The following PATL1 variants were observed in gnomAD, a reference collection of about 807,000 sequenced individuals.
PATL1 encodes the protein protein PAT1 homolog 1.
Under a neutral mutation model 100.6 loss-of-function variants are expected in PATL1, and 32 were observed. That is an observed-to-expected ratio of 0.32 (90% CI 0.24 to 0.43). The LOEUF (loss-of-function observed/expected upper bound fraction) is 0.43, where lower values mean the gene tolerates loss of function less well. Ranked by LOEUF, PATL1 falls within the 20% of genes least tolerant of loss-of-function variation. The pLI, the probability that PATL1 is intolerant of heterozygous loss-of-function variation, is 1.00. For missense variants in PATL1, 747 were observed against 949.9 expected, an observed-to-expected ratio of 0.79 and a Z score of 2.81; for synonymous variants, 332 against 330.0, an observed-to-expected ratio of 1.01 and a Z score of -0.07.
intron 4 of PATL1, 34 bp downstream of exon 4, chr11:59,658,832 T>G: frequency 6.6e-7 from 1 of 1,506,652 alleles, no homozygotes; most frequent in Non-Finnish European, 8.9e-7. Context: ...TTTTGGATAT[T>G]ATAAATTTTA....
chr11:59,641,085 T>G (rs1445165980), intron 16 of PATL1, among the ~76,000 whole-genome samples: 1 of 151,856 alleles, frequency 6.6e-6, no homozygotes, highest in Non-Finnish European at 1.5e-5. Context: ...GCAGGAGAAC[T>G]GCTTGAACCT....
chr11:59,658,025 A>G (rs1462477070), intron 4 of PATL1, among the ~76,000 whole-genome samples: 1 of 151,702 alleles, frequency 6.6e-6, no homozygotes, highest in Non-Finnish European at 1.5e-5. Context: ...TAAGCCAGGC[A>G]TGGTGGCATG....
At chr11:59,647,477 C>T (rs550491941) in intron 15 of PATL1, among the ~76,000 whole-genome samples, 5 of 152,236 alleles carry the variant, frequency 3.3e-5, no homozygotes, top group East Asian at 3.9e-4. Flanking sequence ...GAATTATCTA[C>T]GCAAGTAATT....
At chr11:59,664,230 C>T (rs1472454701) in intron 2 of PATL1, among the ~76,000 whole-genome samples, 1 of 152,124 alleles carries the variant, frequency 6.6e-6, no homozygotes, top group Non-Finnish European at 1.5e-5. Context: ...CACTTTTCTT[C>T]TTTCCCATCA....
At chr11:59,658,459 A>G (rs957223795) in intron 4 of PATL1, among the ~76,000 whole-genome samples, 1 of 151,928 alleles carries the variant, frequency 6.6e-6, no homozygotes, top group African/African-American at 2.4e-5. Context: ...AGTAGCTGGG[A>G]TTACAGGTGC....
rs781259437 is a variant in PATL1 at position 59,653,048 on chromosome 11, G to T, written c.1122-30C>A. The T allele has an allele frequency of 2.0e-5, 31 of 1,548,618 alleles. No individual in the cohort carries two copies. The South Asian group carries it at 3.5e-4, about 17-fold the overall frequency. On this transcript the variant is annotated intron_variant, in intron 9 of 18. Transcript: ENST00000300146. Reference sequence around the variant, plus strand: ...AAAACATACACCACATTCATTCCATGTGGGCAAATTAATTACGCTTTTTAA... The same window carrying T: ...AAAACATACACCACATTCATTCCATTTGGGCAAATTAATTACGCTTTTTAA...
Position 59,668,970 on chromosome 11 carries a change from C to T in PATL1, c.-75G>A. ...AGAAGCGCTGACTCCCCGGCTCCTCCGCGCGCGGGTCCTCCACCGGCTCGC... is the reference window on the plus strand; with the variant it reads ...AGAAGCGCTGACTCCCCGGCTCCTCTGCGCGCGGGTCCTCCACCGGCTCGC... On this transcript the variant is annotated 5_prime_UTR_variant, in exon 1 of 19. Transcript: ENST00000300146. 1 of 324,054 alleles carries T rather than the reference C, an allele frequency of 3.1e-6. No individual in the cohort carries two copies. The highest frequency in any genetic ancestry group is 5.8e-6 in the Non-Finnish European group (1 of 170,952). 20.1% of individuals were successfully genotyped at this position (324,054 alleles called of 1,614,324 possible).
At chr11:59,650,665 C>T (rs1861430285) in intron 13 of PATL1, 89 bp downstream of exon 13, 1 of 877,210 alleles carries the variant, frequency 1.1e-6, no homozygotes, top group African/African-American at 1.7e-5. Context: ...AGAACATTGA[C>T]TGATTGCTCA....
chr11:59,668,804 G>A, intron 1 of PATL1, 77 bp downstream of exon 1: 2 of 726,414 alleles, frequency 2.8e-6, no homozygotes, highest in Non-Finnish European at 4.6e-6. Flanking sequence ...AGGAACACAG[G>A]ACCGGCGCGC....
chr11:59,655,013 C>G (rs1209404515), intron 8 of PATL1, among the ~76,000 whole-genome samples: 1 of 152,228 alleles, frequency 6.6e-6, no homozygotes, highest in African/African-American at 2.4e-5. Flanking sequence ...AAACTCAAGA[C>G]TGCAACTTGA....
intron 4 of PATL1, 70 bp from the exon 5 acceptor site, chr11:59,657,794 GC>G: frequency 8.4e-7 from 1 of 1,192,888 alleles, no homozygotes; most frequent in Non-Finnish European, 1.1e-6. Context: ...CTCTACAGAT[GC>G]CAAAAATACC....
intron 1 of PATL1, among the ~76,000 whole-genome samples, chr11:59,667,530 G>C (rs1861708195): frequency 6.6e-6 from 1 of 152,174 alleles, no homozygotes; most frequent in Admixed American, 6.5e-5. Flanking sequence ...AAAAGCTGTG[G>C]TATGACAAGT....
intron 2 of PATL1, among the ~76,000 whole-genome samples, chr11:59,661,371 C>T (rs1861622224): frequency 6.6e-6 from 1 of 152,226 alleles, no homozygotes; most frequent in Non-Finnish European, 1.5e-5. Flanking sequence ...CAGGCTTGAG[C>T]CACTGCCTCT....
chr11:59,656,576 C>T lies in PATL1; in HGVS notation c.646G>A (p.Val216Ile). Residue 216 changes from valine to isoleucine, a missense_variant, in exon 6 of 19, where the codon GTT (valine) becomes ATT (isoleucine). This residue lies in a region of PATL1 where 127 missense variants were observed against 116.0 expected (regional missense o/e 1.09). Coordinates refer to ENST00000300146, the MANE Select transcript of PATL1 (RefSeq NM_152716.3). Reference sequence around the variant, plus strand: ...TAACGAGGTGGCATTGGGGGCCGAACATGGACAGGCTTCGGACACAGAATC... The same window carrying T: ...TAACGAGGTGGCATTGGGGGCCGAATATGGACAGGCTTCGGACACAGAATC... Reference protein sequence around the residue: ...QQILCPKPVHVRPPMPPRYPA... With the variant: ...QQILCPKPVHIRPPMPPRYPA... The T allele has an allele frequency of 6.2e-7, 1 of 1,613,990 alleles. No individual in the cohort carries two copies. The highest frequency in any genetic ancestry group is 8.5e-7 in the Non-Finnish European group (1 of 1,179,884).
In PATL1 at chr11:59,656,477, T is replaced by C. The variant is rs370897927; in HGVS notation, c.723+22A>G. The C allele has an allele frequency of 5.7e-6, 9 of 1,585,300 alleles. No homozygotes were observed. The African/African-American group carries it at 1.1e-4, about 19-fold the overall frequency. On this transcript the variant is annotated intron_variant, in intron 6 of 18. Coordinates refer to ENST00000300146, the MANE Select transcript of PATL1 (RefSeq NM_152716.3). The stretch of plus-strand genomic sequence containing the variant: ...TCAGAAAATACATACTGCACATTTT[T>C]GTTAGGCTTAAAGTGACATACCGGG...
At chr11:59,649,033 C>T (rs1861402926) in intron 14 of PATL1, among the ~76,000 whole-genome samples, 1 of 151,996 alleles carries the variant, frequency 6.6e-6, no homozygotes, top group Non-Finnish European at 1.5e-5. Context: ...TGAAGGGTTT[C>T]GATAGGATAT....
chr11:59,646,374 C>T (rs1861366461), intron 15 of PATL1, among the ~76,000 whole-genome samples: 1 of 149,218 alleles, frequency 6.7e-6, no homozygotes, highest in African/African-American at 2.5e-5. Context: ...TTAGTAGGGA[C>T]AGTTTTTCAC....
intron 14 of PATL1, among the ~76,000 whole-genome samples, chr11:59,648,864 A>G (rs939334632): frequency 1.3e-5 from 2 of 152,210 alleles, no homozygotes; most frequent in Admixed American, 6.5e-5. Flanking sequence ...GCTTAGAAGG[A>G]TAAGTAATTC....
At position 59,649,608 on chromosome 11, in the gene PATL1, G is replaced by C. The variant is rs757680464; in HGVS notation, c.1587C>G (p.Thr529=). The change falls in exon 14 of 19, where the codon ACC becomes ACG. Residue 529 remains threonine, a splice_region_variant and synonymous_variant. Coordinates refer to ENST00000300146, the MANE Select transcript of PATL1 (RefSeq NM_152716.3). ...CCTCCACATCAAGGAGTAAGCTGTAGGTCTAAGAAGGGAGACAAAAGCAGG... is the reference window on the plus strand; with the variant it reads ...CCTCCACATCAAGGAGTAAGCTGTACGTCTAAGAAGGGAGACAAAAGCAGG... ...RRKTLVIIEK[T]YSLLLDVEDY... 22 of 1,611,394 alleles carry C rather than the reference G, an allele frequency of 1.4e-5. No homozygotes were observed. The South Asian group carries it at 2.4e-4, about 18-fold the overall frequency.
Sources: allele counts gnomAD v4.1 joint callset (sites outside exome capture counted in the v4.1 genomes callset), GRCh38; gene constraint gnomAD v4.1.1; regional missense constraint gnomAD v4.1.1; transcripts MANE v1.5; gene names NCBI Gene and HGNC (gene_info 2026-07-23, HGNC 2026-07-21).